The following VAPA variants were observed in gnomAD, a reference collection of about 807,000 sequenced individuals.
VAPA encodes VAMP associated protein A.
VAPA carries 6 observed loss-of-function variants against 25.6 expected under a neutral mutation model. The observed-to-expected ratio is 0.23, with a 90% CI of 0.13 to 0.46. VAPA has a LOEUF of 0.46. VAPA is among the 20% of genes least tolerant of loss of function. The pLI is 0.99. For missense variants in VAPA, 244 were observed against 302.1 expected, an observed-to-expected ratio of 0.81 and a Z score of 1.43; for synonymous variants, 112 against 106.2, an observed-to-expected ratio of 1.05 and a Z score of -0.34.
At chr18:9,945,195 T>TA (rs2069409287) in intron 4 of VAPA, 10 of 1,073,618 alleles carry the variant, frequency 9.3e-6, no homozygotes, top group African/African-American at 1.6e-5. Context: ...AAAATTACAA[T>TA]AAAACTACAA....
chr18:9,946,818 G>C (rs943201176), intron 4 of VAPA, among the ~76,000 whole-genome samples: 1 of 152,018 alleles, frequency 6.6e-6, no homozygotes, highest in Non-Finnish European at 1.5e-5. Flanking sequence ...TTTAATCTTA[G>C]CTGTCCGTAA....
intron 4 of VAPA, among the ~76,000 whole-genome samples, chr18:9,947,189 G>A (rs1244172837): frequency 7.0e-6 from 1 of 143,074 alleles, no homozygotes; most frequent in Non-Finnish European, 1.5e-5. Flanking sequence ...GTAAGTAGAA[G>A]GAGTACACTC....
intron 4 of VAPA, 62 bp downstream of exon 4, chr18:9,937,128 T>C: frequency 4.9e-6 from 7 of 1,422,044 alleles, no homozygotes; most frequent in Non-Finnish European, 6.8e-6. Context: ...TTGATTAATT[T>C]TGCTTTTATT....
chr18:9,930,233 G>A (rs1490095518), intron 1 of VAPA, among the ~76,000 whole-genome samples: 3 of 152,030 alleles, frequency 2.0e-5, no homozygotes, highest in Non-Finnish European at 4.4e-5. Context: ...CATTCACTAT[G>A]GATTAGGATT....
intron 1 of VAPA, among the ~76,000 whole-genome samples, chr18:9,929,509 A>G (rs1285583830): frequency 6.6e-6 from 1 of 152,086 alleles, no homozygotes; most frequent in East Asian, 1.9e-4. Context: ...TTTACCTTCC[A>G]TAAAAGTCAA....
rs1444875263 is a variant in VAPA, at chr18:9,954,205, C to G, written c.744C>G (p.Ile248Met). Reference protein sequence around the residue: ...IFIGFFLGKFIL With the variant: ...IFIGFFLGKFML ...TTGGATTCTTTCTAGGGAAATTCATCTTGTAGAGTGAAGCATGCAGAGTGC... is the reference window on the plus strand; with the variant it reads ...TTGGATTCTTTCTAGGGAAATTCATGTTGTAGAGTGAAGCATGCAGAGTGC... Residue 248 changes from isoleucine (I) to methionine (M), a missense_variant, in exon 6 of 6, where the codon ATC becomes ATG. Ile to Met is a conservative substitution (Grantham distance 10). Around this residue, in one of 2 missense-constraint regions of VAPA, gnomAD observed 145 missense variants for 140.6 expected, o/e 1.03. Coordinates refer to ENST00000400000, the MANE Select transcript of VAPA (RefSeq NM_194434.3). 1.9e-6 allele frequency: 3 copies of G among 1,608,512 alleles called. No individual in the cohort carries two copies.
At chr18:9,944,123 A>G (rs539072527) in intron 4 of VAPA, among the ~76,000 whole-genome samples, 169 of 152,102 alleles carry the variant, frequency 1.1e-3, no homozygotes, top group African/African-American at 3.8e-3. Context: ...TGCTGGGATT[A>G]CAAGCGTGAG....
At chr18:9,935,837 G>A (rs1009975421) in intron 2 of VAPA, among the ~76,000 whole-genome samples, 5 of 152,084 alleles carry the variant, frequency 3.3e-5, no homozygotes, top group Non-Finnish European at 4.4e-5. Context: ...TTATTTTGTT[G>A]GTTGTGCAAA....
intron 4 of VAPA, among the ~76,000 whole-genome samples, chr18:9,944,251 AG>A (rs1465895042): frequency 5.9e-5 from 9 of 152,110 alleles, no homozygotes; most frequent in Admixed American, 1.3e-4. Context: ...AAGGGATTTC[AG>A]GGGTCTTATC....
At chr18:9,950,226 TAGAG>T (rs1324185109) in intron 4 of VAPA, 165 bp from the exon 5 acceptor site, 6 of 613,144 alleles carry the variant, frequency 9.8e-6, no homozygotes, top group African/African-American at 3.7e-5. Context: ...ATTATGGGAA[TAGAG>T]GGAGTGGGCT....
rs1260164029 is a variant in VAPA at position 9,932,193 on chromosome 18, C to T, written c.232+231C>T. ...ATAAGAAATTATTGTCAATTACAAA[C>T]TTTAGTCTTTATTTCTACAGCTAAC... On this transcript the variant is annotated intron_variant, in intron 2 of 5. Coordinates refer to ENST00000400000, the MANE Select transcript of VAPA (RefSeq NM_194434.3). Among the ~76,000 whole-genome samples the T allele has an allele frequency of 3.9e-5, 6 of 152,276 alleles. No homozygotes were observed. The South Asian group carries it at 1.2e-3, about 32-fold the overall frequency.
chr18:9,944,739 C>T (rs985480299), intron 4 of VAPA, among the ~76,000 whole-genome samples: 12 of 152,176 alleles, frequency 7.9e-5, no homozygotes, highest in African/African-American at 2.4e-4. Flanking sequence ...ATACAAAAAG[C>T]GAGTTCAGAA....
intron 1 of VAPA, among the ~76,000 whole-genome samples, chr18:9,921,139 A>G (rs2069153747): frequency 6.6e-6 from 1 of 152,244 alleles, no homozygotes; most frequent in Non-Finnish European, 1.5e-5. Context: ...TGTTGATTGA[A>G]TTAATAAGAC....
chr18:9,916,554 A>G (rs1056777789), intron 1 of VAPA, among the ~76,000 whole-genome samples: 4 of 152,236 alleles, frequency 2.6e-5, no homozygotes, highest in African/African-American at 9.6e-5. Flanking sequence ...TTCAGTTTAA[A>G]GATGGAGATG....
intron 2 of VAPA, among the ~76,000 whole-genome samples, chr18:9,935,206 G>T (rs1368397776): frequency 6.6e-6 from 1 of 151,734 alleles, no homozygotes; most frequent in Non-Finnish European, 1.5e-5. Flanking sequence ...TTTCTTAGAA[G>T]ATTTAAATAA....
chr18:9,944,072 A>G (rs749288527), intron 4 of VAPA, among the ~76,000 whole-genome samples: 18 of 151,810 alleles, frequency 1.2e-4, no homozygotes, highest in Non-Finnish European at 2.5e-4. Context: ...CGTGGTGTCA[A>G]TCTCCTGACC....
At chr18:9,920,155 T>C (rs965295253) in intron 1 of VAPA, among the ~76,000 whole-genome samples, 3 of 152,178 alleles carry the variant, frequency 2.0e-5, no homozygotes, top group African/African-American at 7.2e-5. Context: ...ATGGTAGATA[T>C]GTTTAGGTCT....
rs931579054 is a variant in VAPA at position 9,957,413 on chromosome 18, T to G, written c.*3202T>G. On this transcript the variant is annotated 3_prime_UTR_variant, in exon 6 of 6. Coordinates refer to ENST00000400000, the MANE Select transcript of VAPA (RefSeq NM_194434.3). ...TACTTTTGAACTGTAATCTTTCAGATTACACCACTTTGAAAACAAGTTTTA... is the reference window on the plus strand; with the variant it reads ...TACTTTTGAACTGTAATCTTTCAGAGTACACCACTTTGAAAACAAGTTTTA... 4 of 152,216 alleles carry G rather than the reference T, an allele frequency of 2.6e-5. No homozygotes were observed. In the East Asian group the frequency reaches 7.7e-4, roughly 29 times the overall value. The allele number at this position is 152,216 out of a possible 1,614,324, so 9.4% of individuals were successfully genotyped here. A position where few individuals can be genotyped will look rare whatever the true frequency, so the allele number is the denominator to read the frequency against.
intron 4 of VAPA, among the ~76,000 whole-genome samples, chr18:9,943,026 C>T (rs1402122506): frequency 6.6e-6 from 1 of 151,960 alleles, no homozygotes; most frequent in Non-Finnish European, 1.5e-5. Context: ...ATGTTTGGAA[C>T]ACATGAAAAA....
Sources: allele counts gnomAD v4.1 joint callset (sites outside exome capture counted in the v4.1 genomes callset), GRCh38; gene constraint gnomAD v4.1.1; regional missense constraint gnomAD v4.1.1; transcripts MANE v1.5; gene names NCBI Gene and HGNC (gene_info 2026-07-23, HGNC 2026-07-21).